HSPA14: variants seen among roughly 807,000 people sequenced by gnomAD.
The protein encoded by HSPA14 is heat shock 70 kDa protein 14.
HSPA14 carries 37 observed loss-of-function variants against 65.5 expected under a neutral mutation model. The observed-to-expected ratio is 0.56, with a 90% CI of 0.43 to 0.74. The LOEUF (loss-of-function observed/expected upper bound fraction) is 0.74, where lower values mean the gene tolerates loss of function less well. HSPA14 is among the 30% of genes least tolerant of loss of function. The probability of loss-of-function intolerance (pLI) is 0.00; values close to 1 mark genes in which losing one functional copy is unlikely to be tolerated. For synonymous variants in HSPA14, 203 were observed against 214.2 expected (o/e 0.95, Z 0.46); for missense variants, 564 against 607.6 (o/e 0.93, Z 0.75).
chr10:14,859,241 G>A (rs1832732330), intron 10 of HSPA14, among the ~76,000 whole-genome samples: 1 of 152,154 alleles, frequency 6.6e-6, no homozygotes, highest in Non-Finnish European at 1.5e-5. Context: ...TTAGGTGAGG[G>A]AGAAGCTGGG....
In HSPA14 at chr10:14,840,057, TA is replaced by T. The variant is rs1252618147; in HGVS notation, c.139-17del. Reference sequence around the variant, plus strand: ...ATACATTGTAATATATATATATATATATTATTTTTTTTTTCAGATTGTTGGA... The same window carrying T: ...ATACATTGTAATATATATATATATATTTATTTTTTTTTTCAGATTGTTGGA... On this transcript the variant is annotated splice_polypyrimidine_tract_variant and intron_variant, in intron 2 of 13. Transcript: ENST00000378372. The T allele has an allele frequency of 1.9e-5, 23 of 1,224,192 alleles. No individual in the cohort carries two copies. Among genetic ancestry groups the T allele is most frequent in the African/African-American group, 4.6e-5 (2 of 43,862 alleles). The allele number at this position is 1,224,192 out of a possible 1,614,324, so 75.8% of individuals were successfully genotyped here. A position where few individuals can be genotyped will look rare whatever the true frequency, so the allele number is the denominator to read the frequency against.
intron 3 of HSPA14, among the ~76,000 whole-genome samples, chr10:14,847,395 A>T (rs1834068853): frequency 6.6e-6 from 1 of 152,206 alleles, no homozygotes; most frequent in African/African-American, 2.4e-5. Context: ...AGTGTTTGGG[A>T]TATAGTTAAT....
chr10:14,845,611 TGAGAAAAAGTCTCAC>T, intron 3 of HSPA14: 1 of 815,898 alleles, frequency 1.2e-6, no homozygotes, highest in Non-Finnish European at 1.5e-6. Flanking sequence ...TTTTTTTTTT[TGAGAAAAAGTCTCAC>T]TGTTTTGCCC....
Position 14,871,590 on chromosome 10 carries a change from T to C in HSPA14, c.1514T>C (p.Ile505Thr), listed in dbSNP as rs1832855015. 4 of 1,572,920 alleles carry C rather than the reference T, an allele frequency of 2.5e-6. No homozygotes were observed. Among genetic ancestry groups the C allele is most frequent in the Non-Finnish European group, 2.6e-6 (3 of 1,149,072 alleles). The stretch of plus-strand genomic sequence containing the variant: ...ACTGGAAAATGTGAAGCAATCTCTA[T>C]TGAGATAGCATCTTAGTGTTTTAGA... ...QETGKCEAIS[I>T]EIAS is the part of the protein sequence containing the mutation. The change falls in exon 14 of 14, where the codon ATT (isoleucine) becomes ACT (threonine). Residue 505 changes from isoleucine (I) to threonine (T), a missense_variant. Transcript: ENST00000378372.
rs925131792 is a variant in HSPA14, at chr10:14,842,279, C to T, written c.221+2122C>T. ...GAAGCTGCCTAGCCCTCCTTTCCAA[C>T]CCACAATGGCCAGTGCCAATAGCAG... On this transcript the variant is annotated intron_variant, in intron 3 of 13. Transcript: ENST00000378372. This position sits in a 1 kb window ranked among gnomAD's most constrained non-coding sequence, Gnocchi z 5.2. 3.9e-6 allele frequency: 6 copies of T among 1,534,832 alleles called. No homozygotes were observed. Among genetic ancestry groups the T allele is most frequent in the Non-Finnish European group, 5.2e-6 (6 of 1,145,960 alleles).
At chr10:14,848,766 G>A in intron 4 of HSPA14, 24 bp from the exon 5 acceptor site, 2 of 1,443,326 alleles carry the variant, frequency 1.4e-6, no homozygotes, top group Non-Finnish European at 1.9e-6. Context: ...TATTTATTTA[G>A]CATAATTGTA....
intron 3 of HSPA14, among the ~76,000 whole-genome samples, chr10:14,847,665 C>T (rs1036706177): frequency 6.6e-6 from 1 of 152,178 alleles, no homozygotes; most frequent in Non-Finnish European, 1.5e-5. Flanking sequence ...GTTAAGGTCT[C>T]CAGATGCTCT....
chr10:14,862,673 C>T (rs1275160601), intron 10 of HSPA14, among the ~76,000 whole-genome samples: 1 of 151,656 alleles, frequency 6.6e-6, no homozygotes, highest in African/African-American at 2.4e-5. Context: ...CTGTGCCTGG[C>T]CTTCTTTCTT....
chr10:14,841,182 G>A (rs746913649), intron 3 of HSPA14: 17 of 152,238 alleles, frequency 1.1e-4, no homozygotes, highest in Non-Finnish European at 1.8e-4. Context: ...TATGCACTAA[G>A]CCAAAAACTA....
At chr10:14,871,380 A>G in intron 13 of HSPA14, 148 bp from the exon 14 acceptor site, 1 of 575,406 alleles carries the variant, frequency 1.7e-6, no homozygotes, top group South Asian at 2.1e-5. Flanking sequence ...AGAGACACTG[A>G]GATTGTGTTT....
chr10:14,865,238 G>C (rs1832795002), intron 10 of HSPA14, among the ~76,000 whole-genome samples: 1 of 152,108 alleles, frequency 6.6e-6, no homozygotes, highest in Non-Finnish European at 1.5e-5. Context: ...TGTCAGATGA[G>C]TAGATTGCAA....
chr10:14,850,271 A>AG (rs1834098644), intron 6 of HSPA14, among the ~76,000 whole-genome samples: 1 of 149,054 alleles, frequency 6.7e-6, no homozygotes, highest in African/African-American at 2.4e-5. Flanking sequence ...CTTCGTCTCA[A>AG]AAAAAAAAAA....
intron 10 of HSPA14, among the ~76,000 whole-genome samples, chr10:14,861,400 A>T (rs1832749220): frequency 6.6e-6 from 1 of 152,080 alleles, no homozygotes; most frequent in South Asian, 2.1e-4. Flanking sequence ...ATGTTACATC[A>T]CTGCAACCCC....
At chr10:14,849,409 T>A in intron 5 of HSPA14, 1 of 518,242 alleles carries the variant, frequency 1.9e-6, no homozygotes, top group Non-Finnish European at 3.9e-6. Context: ...ATTATGACGT[T>A]GTGTCTTCAC....
At chr10:14,858,070 ATAGT>A in intron 10 of HSPA14, among the ~76,000 whole-genome samples, 1 of 152,138 alleles carries the variant, frequency 6.6e-6, no homozygotes, top group East Asian at 1.9e-4. Context: ...CATGGTTCTA[ATAGT>A]TCTAGACTGG....
At chr10:14,848,102 T>TATATGC (rs1484415445) in intron 3 of HSPA14, among the ~76,000 whole-genome samples, 4 of 152,244 alleles carry the variant, frequency 2.6e-5, no homozygotes, top group Non-Finnish European at 4.4e-5. Flanking sequence ...TATCTGTATA[T>TATATGC]ATATGCATAT....
At chr10:14,858,363 A>T (rs1832725169) in intron 10 of HSPA14, among the ~76,000 whole-genome samples, 1 of 152,156 alleles carries the variant, frequency 6.6e-6, no homozygotes, top group Non-Finnish European at 1.5e-5. Context: ...TTTGTTAGAG[A>T]TTCCCTCTTC....
intron 10 of HSPA14, among the ~76,000 whole-genome samples, chr10:14,862,603 C>T (rs1832760288): frequency 6.6e-6 from 1 of 151,898 alleles, no homozygotes; most frequent in South Asian, 2.1e-4. Flanking sequence ...TCTCAATCTC[C>T]TGACCTTGTA....
In HSPA14 at chr10:14,852,602, A is replaced by G; in HGVS notation, c.734+71A>G. Reference sequence around the variant, plus strand: ...TTCACATATTTTAATTTTTTTTCCTAATTTATTTTAAGTTATCCTGCTGCA... The same window carrying G: ...TTCACATATTTTAATTTTTTTTCCTGATTTATTTTAAGTTATCCTGCTGCA... On this transcript the variant is annotated intron_variant, in intron 8 of 13. Transcript: ENST00000378372. 2.4e-6 allele frequency: 3 copies of G among 1,262,440 alleles called. No individual in the cohort carries two copies. The East Asian group carries it at 7.5e-5, about 32-fold the overall frequency. The allele number at this position is 1,262,440 out of a possible 1,614,324, so 78.2% of individuals were successfully genotyped here.
Sources: allele counts gnomAD v4.1 joint callset (sites outside exome capture counted in the v4.1 genomes callset), GRCh38; gene constraint gnomAD v4.1.1; non-coding constraint Gnocchi (gnomAD v3.1); transcripts MANE v1.5; gene names NCBI Gene and HGNC (gene_info 2026-07-23, HGNC 2026-07-21).